NDRG3: variants seen among roughly 807,000 people sequenced by gnomAD.
The protein encoded by NDRG3 is protein NDRG3.
NDRG3 carries 23 observed loss-of-function variants against 57.2 expected under a neutral mutation model. The observed-to-expected ratio is 0.40, with a 90% CI of 0.29 to 0.57. The LOEUF is 0.57. Ranked by LOEUF, NDRG3 falls within the 20% of genes least tolerant of loss-of-function variation. NDRG3 has a pLI of 0.42. For missense variants in NDRG3, 384 were observed against 457.3 expected (o/e 0.84, Z 1.46); for synonymous variants, 132 against 162.6 (o/e 0.81, Z 1.43).
intron 3 of NDRG3, among the ~76,000 whole-genome samples, chr20:36,689,022 C>G (rs1982037571): frequency 6.6e-6 from 1 of 152,002 alleles, no homozygotes; most frequent in African/African-American, 2.4e-5. Context: ...TGATGAAACC[C>G]TGTCTTTACT....
At position 36,721,724 on chromosome 20, in the gene NDRG3, A is replaced by T; in HGVS notation, c.12T>A (p.Leu4=). 1 of 1,610,030 alleles carries T rather than the reference A, an allele frequency of 6.2e-7. No homozygotes were observed. Among genetic ancestry groups the T allele is most frequent in the Non-Finnish European group, 8.5e-7 (1 of 1,176,574 alleles). The change falls in exon 2 of 16, where the codon CTT becomes CTA. Residue 4 remains leucine (L), a synonymous_variant. Coordinates refer to ENST00000349004, the MANE Select transcript of NDRG3 (RefSeq NM_032013.4). MDE[L]QDVQLTEIKP... ...TGATCTCTGTGAGCTGAACATCCTG[A>T]AGTTCATCCATGAGGTCAGATAACG...
At chr20:36,677,207 T>G (rs1980816550) in intron 8 of NDRG3, among the ~76,000 whole-genome samples, 1 of 152,132 alleles carries the variant, frequency 6.6e-6, no homozygotes, top group Non-Finnish European at 1.5e-5. Flanking sequence ...CTGGGGCATC[T>G]CTGCAGCCTG....
intron 3 of NDRG3, among the ~76,000 whole-genome samples, chr20:36,702,851 G>A (rs1030831990): frequency 8.6e-5 from 13 of 152,004 alleles, no homozygotes; most frequent in South Asian, 2.1e-4. Flanking sequence ...TGCCTGGCTA[G>A]TTTTGTATTT....
At chr20:36,723,659 A>AATGTGTGTGTGTGTGTGT (rs74173994) in intron 1 of NDRG3, among the ~76,000 whole-genome samples, 1 of 132,934 alleles carries the variant, frequency 7.5e-6, no homozygotes, top group African/African-American at 2.8e-5. Flanking sequence ...ATATTAGTCT[A>AATGTGTGTGTGTGTGTGT]GTGTGTGTGT....
chr20:36,710,251 G>A (rs1050453702), intron 2 of NDRG3, among the ~76,000 whole-genome samples: 12 of 152,132 alleles, frequency 7.9e-5, no homozygotes, highest in Admixed American at 2.6e-4. Flanking sequence ...TTGAGCCCAG[G>A]AGGTCAAGGC....
chr20:36,712,114 T>G (rs1158767791), intron 2 of NDRG3, among the ~76,000 whole-genome samples: 3 of 152,056 alleles, frequency 2.0e-5, no homozygotes, highest in East Asian at 1.9e-4. Flanking sequence ...TGTTGTTGTT[T>G]TTTTTTGAGA....
At chr20:36,736,030 T>C (rs914831795) in intron 1 of NDRG3, among the ~76,000 whole-genome samples, 2 of 140,760 alleles carry the variant, frequency 1.4e-5, no homozygotes, top group Admixed American at 7.1e-5. Flanking sequence ...ACAATATAGC[T>C]GGGAAAGAAG....
chr20:36,701,074 T>C (rs1219307956), intron 3 of NDRG3, among the ~76,000 whole-genome samples: 1 of 152,126 alleles, frequency 6.6e-6, no homozygotes, highest in Non-Finnish European at 1.5e-5. Context: ...ATTCCCCGGC[T>C]CTCCCAGTAC....
At position 36,706,970 on chromosome 20, in the gene NDRG3, A is replaced by G. The variant is rs867829006; in HGVS notation, c.93+2T>C. ...CCTCCTTCTTGCTTGTACAGTCCTTACCTGACAGTCAAAGTCCTGGAAGTT... is the reference window on the plus strand; with the variant it reads ...CCTCCTTCTTGCTTGTACAGTCCTTGCCTGACAGTCAAAGTCCTGGAAGTT... On this transcript the variant is annotated splice_donor_variant, in intron 3 of 15. Coordinates refer to ENST00000349004, the MANE Select transcript of NDRG3 (RefSeq NM_032013.4). LOFTEE classifies it high-confidence loss of function. 1 of 1,613,484 alleles carries G rather than the reference A, an allele frequency of 6.2e-7. No individual in the cohort carries two copies. Among genetic ancestry groups the G allele is most frequent in the Non-Finnish European group, 8.5e-7 (1 of 1,179,474 alleles).
intron 10 of NDRG3, among the ~76,000 whole-genome samples, chr20:36,666,040 C>G (rs1190061390): frequency 1.3e-5 from 2 of 152,110 alleles, no homozygotes; most frequent in African/African-American, 4.8e-5. Flanking sequence ...CTCTGTTATA[C>G]AGAGGAAAGA....
At chr20:36,694,354 G>A (rs184789556) in intron 3 of NDRG3, among the ~76,000 whole-genome samples, 36 of 152,290 alleles carry the variant, frequency 2.4e-4, no homozygotes, top group Admixed American at 6.5e-4. Context: ...TAAAGTGTGC[G>A]TATCACAGAA....
intron 1 of NDRG3, among the ~76,000 whole-genome samples, chr20:36,744,054 C>T (rs1430225557): frequency 1.3e-5 from 2 of 151,432 alleles, no homozygotes; most frequent in East Asian, 4.0e-4. Flanking sequence ...GCGCCCACCA[C>T]CACACGCGGC....
intron 3 of NDRG3, among the ~76,000 whole-genome samples, chr20:36,703,462 A>ATCTATATGTG (rs1983370633): frequency 7.1e-6 from 1 of 140,626 alleles, no homozygotes; most frequent in African/African-American, 2.9e-5. Context: ...ATCTATCTAT[A>ATCTATATGTG]TGTGTGTGTG....
chr20:36,674,886 ATTTTTT>A (rs34146274), intron 8 of NDRG3, among the ~76,000 whole-genome samples: 139 of 39,696 alleles, frequency 3.5e-3, no homozygotes, highest in African/African-American at 0.014. Context: ...GCCCAGCCAG[ATTTTTT>A]TTTTTTTTTT....
At position 36,652,025 on chromosome 20, in the gene NDRG3, A is replaced by C. The variant is rs1358829609; in HGVS notation, c.*1495T>G. On this transcript the variant is annotated 3_prime_UTR_variant, in exon 16 of 16. Coordinates refer to ENST00000349004, the MANE Select transcript of NDRG3 (RefSeq NM_032013.4). ...TCTGGCTGTGACTCCCTCACCTAAC[A>C]GTAGACATGAGGCTGAAAACAACTT... The C allele has an allele frequency of 6.6e-6, 1 of 152,220 alleles. No homozygotes were observed. Among genetic ancestry groups the C allele is most frequent in the Non-Finnish European group, 1.5e-5 (1 of 68,066 alleles). The allele number at this position is 152,220 out of a possible 1,614,324, so 9.4% of individuals were successfully genotyped here. A position where few individuals can be genotyped will look rare whatever the true frequency, so the allele number is the denominator to read the frequency against.
At chr20:36,675,438 G>C (rs1249835612) in intron 8 of NDRG3, among the ~76,000 whole-genome samples, 1 of 148,314 alleles carries the variant, frequency 6.7e-6, no homozygotes, top group Non-Finnish European at 1.5e-5. Context: ...CCAGGCTGGA[G>C]TGCAATGGCA....
In NDRG3 at chr20:36,714,982, C is replaced by CTGTGTGTG. The variant is rs374158525; in HGVS notation, c.57+6689_57+6696dup. Among the ~76,000 whole-genome samples the CTGTGTGTG allele has an allele frequency of 2.0e-4, 10 of 50,206 alleles. 1 individual carries two copies. The highest frequency in any genetic ancestry group is 3.6e-4 in the Admixed American group (1 of 2,786). 32.9% of individuals were successfully genotyped at this position (50,206 alleles called of 152,430 possible). ...AGGGATAAGAATGAAAATCCTATAT[C>CTGTGTGTG]TGTGTGTGTGTGTGTGTGTGTGTGT... On this transcript the variant is annotated intron_variant, in intron 2 of 15. Transcript: ENST00000349004.
At chr20:36,740,992 T>A (rs1195202200) in intron 1 of NDRG3, among the ~76,000 whole-genome samples, 1 of 151,474 alleles carries the variant, frequency 6.6e-6, no homozygotes, top group Non-Finnish European at 1.5e-5. Context: ...AAAAGAAAGG[T>A]GGGGGGGGAA....
At chr20:36,688,901 A>G (rs1302892976) in intron 3 of NDRG3, 117 bp from the exon 4 acceptor site, 2 of 746,604 alleles carry the variant, frequency 2.7e-6, no homozygotes, top group Non-Finnish European at 4.7e-6. Flanking sequence ...ACACATTAAT[A>G]AATTACATGT....
Sources: allele counts gnomAD v4.1 joint callset (sites outside exome capture counted in the v4.1 genomes callset), GRCh38; gene constraint gnomAD v4.1.1; transcripts MANE v1.5; gene names NCBI Gene and HGNC (gene_info 2026-07-23, HGNC 2026-07-21).